ATP13A5: variants seen among roughly 807,000 people sequenced by gnomAD.
ATP13A5 encodes the protein ATPase 13A5.
A neutral mutation model predicts 150.2 loss-of-function variants in ATP13A5; 149 were observed. The observed-to-expected ratio is 0.99, with a 90% confidence interval of 0.87 to 1.14. The LOEUF (loss-of-function observed/expected upper bound fraction) is 1.14. Ranked by LOEUF, ATP13A5 falls within the 50% of genes most tolerant of loss-of-function variation. ATP13A5 has a pLI of 0.00. For synonymous variants in ATP13A5, 497 were observed against 522.2 expected (o/e 0.95, Z 0.66); for missense variants, 1,383 against 1,449.3 (o/e 0.95, Z 0.74).
chr3:193,333,702 C>T (rs1356866207), intron 11 of ATP13A5, 48 bp downstream of exon 11: 3 of 1,560,956 alleles, frequency 1.9e-6, no homozygotes, highest in Non-Finnish European at 2.6e-6. Context: ...TTAGGTCAAG[C>T]TCTTTGCAGA....
chr3:193,291,327 C>G (rs1309780119), intron 25 of ATP13A5, among the ~76,000 whole-genome samples: 1 of 152,070 alleles, frequency 6.6e-6, no homozygotes, highest in African/African-American at 2.4e-5. Flanking sequence ...TTCCACCTGC[C>G]TTCAAAGAGT....
rs1337379038 is a variant in ATP13A5, at chr3:193,314,252, C to T, written c.2159-59G>A. On this transcript the variant is annotated intron_variant, in intron 18 of 29. Transcript: ENST00000342358. ...ACAAACCTCCCCTCAGCAACAAGAA[C>T]TGAGGTCTCCCTTTTCCACTCTGCT... The T allele has an allele frequency of 2.6e-6, 4 of 1,558,628 alleles. No homozygotes were observed. The East Asian group carries it at 6.8e-5, about 26-fold the overall frequency.
At chr3:193,297,834 C>G (rs1326854594) in intron 25 of ATP13A5, among the ~76,000 whole-genome samples, 1 of 152,072 alleles carries the variant, frequency 6.6e-6, no homozygotes, top group African/African-American at 2.4e-5. Context: ...CTCCAAATAA[C>G]TTGCTCAGTG....
chr3:193,279,173 T>A (rs988029715), intron 28 of ATP13A5, among the ~76,000 whole-genome samples, 193 bp downstream of exon 28: 4 of 151,266 alleles, frequency 2.6e-5, no homozygotes, highest in African/African-American at 9.7e-5. Flanking sequence ...CCCAATAATA[T>A]TAATAATATG....
chr3:193,357,335 G>C (rs1330045722), intron 5 of ATP13A5, among the ~76,000 whole-genome samples: 2 of 152,096 alleles, frequency 1.3e-5, no homozygotes, highest in Non-Finnish European at 2.9e-5. Context: ...TGAGGACGGG[G>C]ATCCAGTTGA....
chr3:193,275,267 C>G lies in ATP13A5; in HGVS notation c.3432G>C (p.Leu1144Phe). Residue 1144 changes from leucine to phenylalanine, a missense_variant, in exon 30 of 30, where the codon TTG becomes TTC. Leu to Phe is a conservative substitution (Grantham distance 22). Around this residue, in one of 3 missense-constraint regions of ATP13A5, gnomAD observed 568 missense variants for 621.5 expected, o/e 0.91. Transcript: ENST00000342358. The part of the protein sequence containing the change: ...SILQNHELWL[L>F]IKREFGFYSK... Reference sequence around the variant, plus strand: ...AGTAGAATCCAAATTCTCTTTTGATCAACAGCCAGAGTTCATGATTTTGAA... The same window carrying G: ...AGTAGAATCCAAATTCTCTTTTGATGAACAGCCAGAGTTCATGATTTTGAA... 6 of 1,613,904 alleles carry G rather than the reference C, an allele frequency of 3.7e-6. No homozygotes were observed. Among genetic ancestry groups the G allele is most frequent in the Non-Finnish European group, 5.1e-6 (6 of 1,180,014 alleles).
intron 24 of ATP13A5, 100 bp downstream of exon 24, chr3:193,301,111 G>A: frequency 9.9e-7 from 1 of 1,006,736 alleles, no homozygotes; most frequent in Non-Finnish European, 1.5e-6. Flanking sequence ...AATGTCATTT[G>A]TTTATAAAAC....
At chr3:193,326,233 G>A (rs1255669365) in intron 13 of ATP13A5, among the ~76,000 whole-genome samples, 2 of 152,184 alleles carry the variant, frequency 1.3e-5, no homozygotes, top group South Asian at 2.1e-4. Context: ...AATTGAGAAG[G>A]CAAGTCTTAG....
At chr3:193,359,802 CAT>C (rs1712934666) in intron 5 of ATP13A5, among the ~76,000 whole-genome samples, 1 of 150,578 alleles carries the variant, frequency 6.6e-6, no homozygotes, top group Admixed American at 6.6e-5. Flanking sequence ...TGTGTGTGTG[CAT>C]GTGTGTGTGT....
Position 193,310,629 on chromosome 3 carries a change from G to A in ATP13A5, c.2525+9C>T. 6.3e-7 allele frequency: 1 copy of A among 1,599,394 alleles called. No individual in the cohort carries two copies. The highest frequency in any genetic ancestry group is 8.5e-7 in the Non-Finnish European group (1 of 1,174,606). Reference sequence around the variant, plus strand: ...TGAGCACACTCTTCTTTCATGCCATGACACCTACTTTAATTTCTGAAATTC... The same window carrying A: ...TGAGCACACTCTTCTTTCATGCCATAACACCTACTTTAATTTCTGAAATTC... On this transcript the variant is annotated intron_variant, in intron 21 of 29. Transcript: ENST00000342358.
chr3:193,342,503 G>A (rs754810572), intron 9 of ATP13A5, among the ~76,000 whole-genome samples: 1 of 152,070 alleles, frequency 6.6e-6, no homozygotes, highest in Non-Finnish European at 1.5e-5. Context: ...GGCCTCTATC[G>A]GTACTTAAGT....
intron 14 of ATP13A5, chr3:193,323,543 G>C: frequency 6.6e-6 from 1 of 152,196 alleles, no homozygotes; most frequent in East Asian, 1.9e-4. Context: ...CTATAATGGA[G>C]AGGGGGATGT....
chr3:193,315,225 A>G, intron 17 of ATP13A5, 129 bp from the exon 18 acceptor site: 2 of 991,068 alleles, frequency 2.0e-6, no homozygotes, highest in Non-Finnish European at 2.8e-6. Flanking sequence ...ATCAAAATGA[A>G]CTTAAAAGCT....
chr3:193,332,579 T>C (rs1711675991), intron 11 of ATP13A5, among the ~76,000 whole-genome samples: 1 of 152,226 alleles, frequency 6.6e-6, no homozygotes, highest in Non-Finnish European at 1.5e-5. Context: ...ATTGGAAACA[T>C]GGGATTCAAG....
At chr3:193,295,434 C>A (rs1187609294) in intron 25 of ATP13A5, among the ~76,000 whole-genome samples, 1 of 152,052 alleles carries the variant, frequency 6.6e-6, no homozygotes, top group African/African-American at 2.4e-5. Context: ...TTATCGGAAG[C>A]CATCTCTTCT....
chr3:193,310,833 A>G (rs1299703361), intron 20 of ATP13A5, 116 bp from the exon 21 acceptor site: 3 of 670,514 alleles, frequency 4.5e-6, no homozygotes, highest in East Asian at 2.7e-5. Context: ...ATTGGATGGT[A>G]TGTCATTAGA....
chr3:193,338,318 A>C (rs1391428981), intron 9 of ATP13A5, among the ~76,000 whole-genome samples: 1 of 152,200 alleles, frequency 6.6e-6, no homozygotes, highest in Non-Finnish European at 1.5e-5. Context: ...GCCAGTTTTC[A>C]AAGGAAATGC....
rs745433844 is a variant in ATP13A5 at position 193,333,730 on chromosome 3, G to A, written c.1272+20C>T. On this transcript the variant is annotated intron_variant, in intron 11 of 29. Coordinates refer to ENST00000342358, the MANE Select transcript of ATP13A5 (RefSeq NM_198505.4). ...TTTGCAGAATCTATACTATTGAAAA[G>A]CCTTACCCCCAGTACTTACTCCATG... 1.9e-6 allele frequency: 3 copies of A among 1,609,058 alleles called. No homozygotes were observed. The highest frequency in any genetic ancestry group is 2.2e-5 in the East Asian group (1 of 44,824).
chr3:193,300,471 A>T lies in ATP13A5; in HGVS notation c.2775+740T>A, dbSNP rs553676460. On this transcript the variant is annotated intron_variant, in intron 24 of 29. Transcript: ENST00000342358. ...CCTCTGTGTGTGATTCTTGCAAGCA[A>T]TAGCCCACTGGATGGTATAATCTTG... Among the ~76,000 whole-genome samples, 337 of 152,264 alleles carry T rather than the reference A, an allele frequency of 2.2e-3. 1 individual carries two copies. Among genetic ancestry groups the T allele is most frequent in the Non-Finnish European group, 3.7e-3 (252 of 67,994 alleles).
Sources: gnomAD v4.1 joint callset for allele counts (sites outside exome capture counted in the v4.1 genomes callset) on GRCh38, gnomAD v4.1.1 for gene constraint, gnomAD v4.1.1 regional missense constraint, MANE v1.5 for transcripts, NCBI Gene and HGNC (gene_info 2026-07-23, HGNC 2026-07-21) for gene names.